ITLN2: variants seen among roughly 807,000 people sequenced by gnomAD.
ITLN2 encodes the protein intelectin 2, also known as intelectin-2.
ITLN2 carries 29 observed loss-of-function variants against 39.4 expected under a neutral mutation model. That is an observed-to-expected ratio of 0.74 (90% CI 0.55 to 1.00). ITLN2 has a LOEUF of 1.00. ITLN2 is among the 50% of genes least tolerant of loss of function. The pLI, the probability that ITLN2 is intolerant of heterozygous loss-of-function variation, is 0.00. For synonymous variants in ITLN2, 156 were observed against 153.4 expected, an observed-to-expected ratio of 1.02 and a Z score of -0.12; for missense variants, 412 against 416.7, an observed-to-expected ratio of 0.99 and a Z score of 0.10.
At chr1:160,951,401 A>G in intron 3 of ITLN2, 111 bp from the exon 4 acceptor site, 1 of 1,392,712 alleles carries the variant, frequency 7.2e-7, no homozygotes, top group African/African-American at 1.4e-5. Flanking sequence ...AGACTCCAAC[A>G]CATACTTGCT....
chr1:160,947,483 G>T (rs932819105), intron 7 of ITLN2, among the ~76,000 whole-genome samples: 3 of 152,178 alleles, frequency 2.0e-5, no homozygotes, highest in Non-Finnish European at 4.4e-5. Context: ...CTTTACGGGT[G>T]TCAGGCTGGG....
At chr1:160,947,471 C>A (rs1223267223) in intron 7 of ITLN2, among the ~76,000 whole-genome samples, 2 of 152,204 alleles carry the variant, frequency 1.3e-5, no homozygotes, top group African/African-American at 2.4e-5. Flanking sequence ...TCAGCACAGA[C>A]CCTTTACGGG....
chr1:160,947,798 C>T, intron 7 of ITLN2, 131 bp downstream of exon 7: 2 of 642,544 alleles, frequency 3.1e-6, no homozygotes, highest in Non-Finnish European at 5.4e-6. Context: ...CATCTCAAAG[C>T]AGAAACAATT....
intron 2 of ITLN2, among the ~76,000 whole-genome samples, chr1:160,953,471 G>A (rs569341189): frequency 2.0e-5 from 3 of 152,120 alleles, no homozygotes; most frequent in Non-Finnish European, 4.4e-5. Context: ...CAGCACTTTC[G>A]GAGGCCGAGG....
At chr1:160,946,880 G>A (rs914734249) in intron 7 of ITLN2, among the ~76,000 whole-genome samples, 2 of 152,204 alleles carry the variant, frequency 1.3e-5, no homozygotes. Flanking sequence ...GTACACACAT[G>A]TGCATACCCA....
intron 6 of ITLN2, among the ~76,000 whole-genome samples, chr1:160,948,416 A>G (rs1212530932): frequency 6.6e-6 from 1 of 152,166 alleles, no homozygotes; most frequent in Non-Finnish European, 1.5e-5. Context: ...TCCAATTACC[A>G]TGGGTTAGTT....
At chr1:160,953,203 A>C (rs76726609) in intron 2 of ITLN2, among the ~76,000 whole-genome samples, 3 of 151,484 alleles carry the variant, frequency 2.0e-5, no homozygotes, top group Non-Finnish European at 4.4e-5. Flanking sequence ...AGCACATGAG[A>C]TGGCCTGAAG....
At chr1:160,950,222 T>TG in intron 5 of ITLN2, 56 bp from the exon 6 acceptor site, 2 of 1,590,438 alleles carry the variant, frequency 1.3e-6, no homozygotes, top group South Asian at 1.1e-5. Flanking sequence ...TGCCACAGTG[T>TG]GGGGGGAGGA....
chr1:160,953,648 T>C (rs1289556697), intron 2 of ITLN2, among the ~76,000 whole-genome samples: 1 of 151,192 alleles, frequency 6.6e-6, no homozygotes, highest in Non-Finnish European at 1.5e-5. Context: ...GAGACGGAGG[T>C]TGCAGTGAGC....
At position 160,949,147 on chromosome 1, in the gene ITLN2, A is replaced by T. The variant is rs574477206; in HGVS notation, c.721+899T>A. The T allele has an allele frequency of 3.3e-5, 5 of 150,776 alleles. No individual in the cohort carries two copies. The South Asian group carries it at 1.0e-3, about 31-fold the overall frequency. The allele number at this position is 150,776 out of a possible 1,614,324, so 9.3% of individuals were successfully genotyped here. A position where few individuals can be genotyped will look rare whatever the true frequency, so the allele number is the denominator to read the frequency against. On this transcript the variant is annotated intron_variant, in intron 6 of 7. Coordinates refer to ENST00000368029, the MANE Select transcript of ITLN2 (RefSeq NM_080878.3). ...AAAAGGTGCTGTGCTTTTGACGTGC[A>T]CATACATAAACATCTCGGTGCATTA... is the stretch of plus-strand genomic sequence containing the variant.
At chr1:160,950,461 T>C (rs1443048288) in intron 5 of ITLN2, 92 bp downstream of exon 5, 8 of 1,424,844 alleles carry the variant, frequency 5.6e-6, no homozygotes, top group East Asian at 2.3e-5. Context: ...TCAGTAGTGA[T>C]GTGGAACCAC....
intron 4 of ITLN2, 72 bp from the exon 5 acceptor site, chr1:160,950,783 C>T (rs528757272): frequency 6.4e-7 from 1 of 1,557,378 alleles, no homozygotes; most frequent in African/African-American, 1.4e-5. Context: ...CATGTGCAGC[C>T]TCAGCTGGGC....
chr1:160,953,421 C>T lies in ITLN2; in HGVS notation c.80-688G>A, dbSNP rs1008968534. ...CAGAGCGGGAAAAAGTGTAAAATTA[C>T]AGGACTCAGGCCAGGCACAGTGGCT... On this transcript the variant is annotated intron_variant, in intron 2 of 7. Transcript: ENST00000368029. Among the ~76,000 whole-genome samples the T allele has an allele frequency of 2.6e-5, 4 of 152,112 alleles. No homozygotes were observed. In the East Asian group the frequency reaches 7.7e-4, roughly 29 times the overall value.
In ITLN2 at chr1:160,950,112, T is replaced by A. The variant is rs759777295; in HGVS notation, c.655A>T (p.Ile219Leu). 1 of 1,613,608 alleles carries A rather than the reference T, an allele frequency of 6.2e-7. No homozygotes were observed. The highest frequency in any genetic ancestry group is 1.1e-5 in the South Asian group (1 of 91,070). Residue 219 changes from isoleucine (I) to leucine (L), a missense_variant, in exon 6 of 8, where the codon ATA (isoleucine) becomes TTA (leucine). By Grantham distance (5) the Ile-to-Leu change is conservative. Transcript: ENST00000368029. Reference protein sequence around the residue: ...GKCWNDNGPAIPVVYDFGDAK... With the variant: ...GKCWNDNGPALPVVYDFGDAK... ...TCACCAAAGTCATAGACCACAGGTA[T>A]GGCTGGGCCATTGTCATTCCAACAT... is the stretch of plus-strand genomic sequence containing the variant.
At chr1:160,953,267 T>A (rs1671787100) in intron 2 of ITLN2, among the ~76,000 whole-genome samples, 1 of 152,208 alleles carries the variant, frequency 6.6e-6, no homozygotes, top group African/African-American at 2.4e-5. Flanking sequence ...GTCAGTCGCT[T>A]ATTGTGGCTG....
intron 6 of ITLN2, chr1:160,949,450 C>T (rs1570972176): frequency 6.5e-6 from 1 of 153,660 alleles, no homozygotes; most frequent in East Asian, 1.9e-4. Flanking sequence ...GGGGAGAAAC[C>T]TTGGACAATA....
intron 2 of ITLN2, among the ~76,000 whole-genome samples, chr1:160,953,634 C>T (rs1251019985): frequency 6.6e-6 from 1 of 151,992 alleles, no homozygotes; most frequent in African/African-American, 2.4e-5. Context: ...GCTCTTTAAC[C>T]CAGGAGACGG....
chr1:160,952,573 TA>T (rs1557875309), intron 3 of ITLN2, 46 bp downstream of exon 3: 2 of 1,353,034 alleles, frequency 1.5e-6, no homozygotes, highest in Non-Finnish European at 2.1e-6. Context: ...TCTGTTGAGC[TA>T]AAAAGTGGCT....
intron 3 of ITLN2, among the ~76,000 whole-genome samples, chr1:160,951,801 C>T (rs974766719): frequency 2.0e-5 from 3 of 152,200 alleles, no homozygotes; most frequent in Non-Finnish European, 4.4e-5. Context: ...TGGCAGAAAG[C>T]CTGTGGTCTT....
Sources: allele counts gnomAD v4.1 joint callset (sites outside exome capture counted in the v4.1 genomes callset), GRCh38; gene constraint gnomAD v4.1.1; transcripts MANE v1.5; gene names NCBI Gene and HGNC (gene_info 2026-07-23, HGNC 2026-07-21).